Variants in VPS50 observed in about 807,000 individuals in gnomAD.
The protein encoded by VPS50 is syndetin.
VPS50 carries 70 observed loss-of-function variants against 139.7 expected under a neutral mutation model. That is an observed-to-expected ratio of 0.50 (90% CI 0.41 to 0.61). The LOEUF is 0.61. Ranked by LOEUF, VPS50 falls within the 20% of genes least tolerant of loss-of-function variation. The pLI is 0.00. For missense variants in VPS50, 921 were observed against 1,133.7 expected (o/e 0.81, Z 2.69); for synonymous variants, 365 against 376.7 (o/e 0.97, Z 0.36).
intron 16 of VPS50, among the ~76,000 whole-genome samples, chr7:93,301,806 C>T (rs1377215309): frequency 6.6e-6 from 1 of 152,166 alleles, no homozygotes; most frequent in East Asian, 1.9e-4. Context: ...CCTATGGTAA[C>T]GCTCTCTGTT....
chr7:93,248,505 T>C lies in VPS50; in HGVS notation c.103-4148T>C, dbSNP rs182862003. 2.5e-4 allele frequency among the ~76,000 whole-genome samples: 38 copies of C among 152,300 alleles called. No individual in the cohort carries two copies. In the East Asian group the frequency reaches 5.8e-3, roughly 23 times the overall value. On this transcript the variant is annotated intron_variant, in intron 2 of 27. Coordinates refer to ENST00000305866, the MANE Select transcript of VPS50 (RefSeq NM_017667.4). ...TAAAATATTCCTAAATCAGTTCACA[T>C]CGTTATCTCTAATTAAAAGAAAGAA...
At chr7:93,350,548 T>C (rs547615373) in intron 25 of VPS50, among the ~76,000 whole-genome samples, 1 of 152,256 alleles carries the variant, frequency 6.6e-6, no homozygotes, top group African/African-American at 2.4e-5. Context: ...ACCTGATATG[T>C]GTCACACGCT....
Position 93,240,245 on chromosome 7 carries a change from ACACACT to A in VPS50, c.102+313_102+318del, listed in dbSNP as rs879663150. ...CACACACACACACACACACACACAC[ACACACT>A]CTCTCTCTCTCTCTCTCTCATTGAT... is the stretch of plus-strand genomic sequence containing the variant. On this transcript the variant is annotated intron_variant, in intron 2 of 27. Coordinates refer to ENST00000305866, the MANE Select transcript of VPS50 (RefSeq NM_017667.4). Among the ~76,000 whole-genome samples, 1,112 of 145,520 alleles carry A rather than the reference ACACACT, an allele frequency of 7.6e-3. 14 individuals are homozygous for A. The highest frequency in any genetic ancestry group is 0.028 in the Middle Eastern group (8 of 290).
At chr7:93,233,963 T>C (rs934007303) in intron 1 of VPS50, among the ~76,000 whole-genome samples, 21 of 152,204 alleles carry the variant, frequency 1.4e-4, no homozygotes, top group Admixed American at 1.3e-3. Context: ...TTGGCTATGT[T>C]GATGGTGGGA....
rs1332203325 is a variant in VPS50, at chr7:93,359,527, A to G, written c.*1091A>G. Reference sequence around the variant, plus strand: ...TATGTGACATAAAAATCCATTTTCCATGTACTCTTGCCAACTGTCTGATAA... The same window carrying G: ...TATGTGACATAAAAATCCATTTTCCGTGTACTCTTGCCAACTGTCTGATAA... On this transcript the variant is annotated 3_prime_UTR_variant, in exon 28 of 28. Transcript: ENST00000305866. 6.6e-6 allele frequency: 1 copy of G among 152,272 alleles called. No homozygotes were observed. Among genetic ancestry groups the G allele is most frequent in the Middle Eastern group, 3.4e-3 (1 of 296 alleles). 9.4% of individuals were successfully genotyped at this position (152,272 alleles called of 1,614,324 possible).
At chr7:93,278,327 G>A (rs2116900875) in intron 12 of VPS50, among the ~76,000 whole-genome samples, 1 of 152,086 alleles carries the variant, frequency 6.6e-6, no homozygotes, top group East Asian at 1.9e-4. Flanking sequence ...CTGTAGGCTG[G>A]GCATGGTGGC....
intron 21 of VPS50, 108 bp downstream of exon 21, chr7:93,323,840 G>A (rs1797689877): frequency 2.0e-6 from 1 of 503,140 alleles, no homozygotes; most frequent in East Asian, 3.9e-5. Context: ...ATTATTTTGG[G>A]GATTATGCAT....
intron 21 of VPS50, among the ~76,000 whole-genome samples, chr7:93,323,969 G>C (rs1797692854): frequency 6.6e-6 from 1 of 152,160 alleles, no homozygotes; most frequent in Non-Finnish European, 1.5e-5. Flanking sequence ...TGCAACATCT[G>C]TTTCTAACCT....
chr7:93,338,855 A>G (rs1292924620), intron 22 of VPS50, among the ~76,000 whole-genome samples: 1 of 152,174 alleles, frequency 6.6e-6, no homozygotes, highest in Non-Finnish European at 1.5e-5. Flanking sequence ...TGCTAGAGAC[A>G]GAGCTCTCTA....
intron 11 of VPS50, among the ~76,000 whole-genome samples, chr7:93,274,154 T>C (rs943918474): frequency 5.9e-5 from 9 of 152,152 alleles, no homozygotes; most frequent in African/African-American, 1.9e-4. Flanking sequence ...AGTGGCTTTA[T>C]GTCTCTCACT....
intron 9 of VPS50, among the ~76,000 whole-genome samples, chr7:93,265,462 G>A (rs1203657830): frequency 6.6e-6 from 1 of 152,210 alleles, no homozygotes; most frequent in Admixed American, 6.5e-5. Context: ...TGGCCTGTGG[G>A]TTCCGATCTG....
At chr7:93,326,669 G>T (rs563367591) in intron 21 of VPS50, among the ~76,000 whole-genome samples, 1 of 151,864 alleles carries the variant, frequency 6.6e-6, no homozygotes, top group East Asian at 1.9e-4. Flanking sequence ...ACAATATTAG[G>T]CAGGTAACTA....
rs1562878369 is a variant in VPS50, at chr7:93,306,001, T to G, written c.1626T>G (p.Asn542Lys). ...DEETEDVLASNGYESDEQEKS... is the reference protein window; with the variant it reads ...DEETEDVLASKGYESDEQEKS... Reference sequence around the variant, plus strand: ...AAACAGAAGATGTCTTAGCTTCTAATGGGGTATGTGGTGTATGTGAAACAT... The same window carrying G: ...AAACAGAAGATGTCTTAGCTTCTAAGGGGGTATGTGGTGTATGTGAAACAT... The change falls in exon 18 of 28, where the codon AAT becomes AAG. Residue 542 changes from asparagine (N) to lysine (K), a missense_variant. By Grantham distance (94) the Asn-to-Lys change is moderately conservative (BLOSUM62 0). This residue lies in a region of VPS50 where 744 missense variants were observed against 930.6 expected (regional missense o/e 0.80). Coordinates refer to ENST00000305866, the MANE Select transcript of VPS50 (RefSeq NM_017667.4). 1 of 1,608,902 alleles carries G rather than the reference T, an allele frequency of 6.2e-7. No homozygotes were observed. Among genetic ancestry groups the G allele is most frequent in the Non-Finnish European group, 8.5e-7 (1 of 1,176,176 alleles).
At chr7:93,276,011 C>T in intron 11 of VPS50, 154 bp from the exon 12 acceptor site, 4 of 648,790 alleles carry the variant, frequency 6.2e-6, no homozygotes, top group South Asian at 2.5e-5. Flanking sequence ...AATAATATAC[C>T]CAGTATAATT....
chr7:93,354,716 T>C (rs1272483925), intron 26 of VPS50, among the ~76,000 whole-genome samples: 1 of 152,160 alleles, frequency 6.6e-6, no homozygotes, highest in East Asian at 1.9e-4. Context: ...ATGGATCTAT[T>C]AATAGTAATT....
rs1173493445 is a variant in VPS50, at chr7:93,239,854, T to C, written c.34-12T>C. Reference sequence around the variant, plus strand: ...ATGATTAAAATTTTCCTCATCTTATTATTTTTTTAAGGGTCTGAAAAGCCC... The same window carrying C: ...ATGATTAAAATTTTCCTCATCTTATCATTTTTTTAAGGGTCTGAAAAGCCC... On this transcript the variant is annotated splice_polypyrimidine_tract_variant and intron_variant, in intron 1 of 27. Coordinates refer to ENST00000305866, the MANE Select transcript of VPS50 (RefSeq NM_017667.4). 1.3e-6 allele frequency: 2 copies of C among 1,543,372 alleles called. No homozygotes were observed. The highest frequency in any genetic ancestry group is 2.3e-5 in the East Asian group (1 of 44,398).
intron 23 of VPS50, among the ~76,000 whole-genome samples, chr7:93,342,116 G>A (rs1798229674): frequency 6.6e-6 from 1 of 152,190 alleles, no homozygotes; most frequent in Non-Finnish European, 1.5e-5. Flanking sequence ...GTCAGTGGGT[G>A]CGCGCACTGT....
In VPS50 at chr7:93,355,985, A is replaced by G. The variant is rs1395453962; in HGVS notation, c.2680A>G (p.Ile894Val). Residue 894 changes from isoleucine (I) to valine (V), a missense_variant, in exon 27 of 28, where the codon ATT (isoleucine) becomes GTT (valine). Ile to Val is a conservative substitution (Grantham distance 29). Around this residue, in one of 3 missense-constraint regions of VPS50, gnomAD observed 158 missense variants for 156.3 expected, o/e 1.01. Coordinates refer to ENST00000305866, the MANE Select transcript of VPS50 (RefSeq NM_017667.4). ...FLMKLEKLTD[I>V]RPIPDKEFVE... ...AATGAAACTTGAAAAACTAACAGAT[A>G]TTAGACCCATTCCTGATAAAGAATT... is the stretch of plus-strand genomic sequence containing the variant. 1.9e-6 allele frequency: 3 copies of G among 1,590,452 alleles called. No homozygotes were observed. The highest frequency in any genetic ancestry group is 2.6e-6 in the Non-Finnish European group (3 of 1,160,552).
chr7:93,296,166 T>G (rs944194287), intron 14 of VPS50, among the ~76,000 whole-genome samples: 5 of 152,226 alleles, frequency 3.3e-5, no homozygotes, highest in Admixed American at 6.5e-5. Context: ...CGATATGCTA[T>G]TTGATTTTAT....
Sources: gnomAD v4.1 joint callset for allele counts (sites outside exome capture counted in the v4.1 genomes callset) on GRCh38, gnomAD v4.1.1 for gene constraint, gnomAD v4.1.1 regional missense constraint, MANE v1.5 for transcripts, NCBI Gene and HGNC (gene_info 2026-07-23, HGNC 2026-07-21) for gene names.